Variants in TIAM1 observed in about 807,000 individuals in gnomAD.
TIAM1 encodes the protein TIAM Rac1 associated GEF 1, also known as rho guanine nucleotide exchange factor TIAM1.
Under a neutral mutation model 163.5 loss-of-function variants are expected in TIAM1, and 65 were observed. The ratio of observed to expected loss-of-function variants is 0.40; its 90% CI spans 0.33 to 0.49. The LOEUF (loss-of-function observed/expected upper bound fraction) is 0.49. TIAM1 is among the 20% of genes least tolerant of loss of function. The pLI, the probability that TIAM1 is intolerant of heterozygous loss-of-function variation, is 0.77. For missense variants in TIAM1, 1,789 were observed against 2,044.7 expected, an observed-to-expected ratio of 0.87 and a Z score of 2.41; for synonymous variants, 833 against 810.1, an observed-to-expected ratio of 1.03 and a Z score of -0.48.
chr21:31,272,616 A>G (rs1601784358), intron 3 of TIAM1, among the ~76,000 whole-genome samples: 1 of 152,344 alleles, frequency 6.6e-6, no homozygotes, highest in Middle Eastern at 3.4e-3. Context: ...TCCTGCATAC[A>G]ATTTCCTGTG....
intron 1 of TIAM1, among the ~76,000 whole-genome samples, chr21:31,540,900 C>T (rs2048304717): frequency 6.6e-6 from 1 of 152,070 alleles, no homozygotes; most frequent in Non-Finnish European, 1.5e-5. Flanking sequence ...TTAACAGCAA[C>T]AAAATAAAGT....
chr21:31,558,258 T>C (rs73345679), intron 1 of TIAM1, among the ~76,000 whole-genome samples: 4,247 of 152,088 alleles, frequency 0.028, 203 homozygotes, highest in African/African-American at 0.097. Context: ...CAGGGCACAG[T>C]CCCCGGGACC....
At chr21:31,197,207 C>T (rs1569008023) in intron 12 of TIAM1, among the ~76,000 whole-genome samples, 1 of 152,074 alleles carries the variant, frequency 6.6e-6, no homozygotes, top group Non-Finnish European at 1.5e-5. Context: ...ACTCAGGTAA[C>T]AAACCTGCAC....
intron 2 of TIAM1, among the ~76,000 whole-genome samples, chr21:31,450,313 T>C (rs536210839): frequency 6.6e-6 from 1 of 152,306 alleles, no homozygotes; most frequent in African/African-American, 2.4e-5. Context: ...TCCGAGATGT[T>C]TTCTTGGAAT....
intron 16 of TIAM1, among the ~76,000 whole-genome samples, chr21:31,159,187 GA>G (rs2146343776): frequency 6.6e-6 from 1 of 152,206 alleles, no homozygotes; most frequent in Non-Finnish European, 1.5e-5. Flanking sequence ...AAGGGTAGCA[GA>G]GCTTTTCCAC....
intron 2 of TIAM1, among the ~76,000 whole-genome samples, chr21:31,451,517 C>T (rs2044839143): frequency 6.6e-6 from 1 of 152,048 alleles, no homozygotes; most frequent in Non-Finnish European, 1.5e-5. Context: ...CTAAGTGGAC[C>T]AGAGTCTGTA....
At position 31,309,720 on chromosome 21, in the gene TIAM1, G is replaced by A. The variant is rs117954366; in HGVS notation, c.-189+29523C>T. ...AGTGAGAAACTCAGGACAAACTTAA[G>A]GGCATCTCTGAAGTCAGCATAGATC... On this transcript the variant is annotated intron_variant, in intron 2 of 27. Transcript: ENST00000541036. Among the ~76,000 whole-genome samples, 1,302 of 152,226 alleles carry A rather than the reference G, an allele frequency of 8.6e-3. 9 individuals carry two copies. The highest frequency in any genetic ancestry group is 0.014 in the Non-Finnish European group (965 of 68,006).
intron 23 of TIAM1, among the ~76,000 whole-genome samples, chr21:31,133,104 A>ATTT (rs2082481801): frequency 6.6e-6 from 1 of 152,150 alleles, no homozygotes; most frequent in African/African-American, 2.4e-5. Flanking sequence ...TCCTTCCTTC[A>ATTT]CAGCACCTCT....
chr21:31,438,390 C>T (rs1219011452), intron 2 of TIAM1, among the ~76,000 whole-genome samples: 1 of 151,758 alleles, frequency 6.6e-6, no homozygotes, highest in Non-Finnish European at 1.5e-5. Flanking sequence ...CAGGGTTTTG[C>T]CATGTTGGAC....
At chr21:31,546,661 T>C (rs2833443) in intron 1 of TIAM1, among the ~76,000 whole-genome samples, 67,388 of 151,946 alleles carry the variant, frequency 0.44, 16,133 homozygotes, top group African/African-American at 0.63. Flanking sequence ...TTAACACTGC[T>C]AGAGGTCAGA....
At position 31,190,892 on chromosome 21, in the gene TIAM1, G is replaced by A. The variant is rs2085525840; in HGVS notation, c.2576-3805C>T. On this transcript the variant is annotated intron_variant, in intron 13 of 27. Coordinates refer to ENST00000541036, the MANE Select transcript of TIAM1 (RefSeq NM_001353694.2). ...CAGCATATGATCTGTATTGTGAGGT[G>A]TTTCTGTGTTTGTGCCGGCAGCTTT... is the stretch of plus-strand genomic sequence containing the variant. 5.3e-5 allele frequency among the ~76,000 whole-genome samples: 8 copies of A among 152,306 alleles called. 1 individual carries two copies. The South Asian group carries it at 1.7e-3, about 32-fold the overall frequency.
chr21:31,210,303 C>A, intron 10 of TIAM1, 88 bp from the exon 11 acceptor site: 1 of 1,418,166 alleles, frequency 7.1e-7, no homozygotes, highest in Non-Finnish European at 9.7e-7. Context: ...ATCACCGATT[C>A]CCATGAAAAC....
rs1457685053 is a variant in TIAM1, at chr21:31,467,620, C to G, written c.-421-3585G>C. 6.1e-5 allele frequency among the ~76,000 whole-genome samples: 9 copies of G among 146,878 alleles called. No homozygotes were observed. In the East Asian group the frequency reaches 1.8e-3, roughly 29 times the overall value. ...CAGCTTGGGCAACAAAGTGAGGCTC[C>G]ATCTCAAAAAAAAAAAGAATAAATA... is the stretch of plus-strand genomic sequence containing the variant. On this transcript the variant is annotated intron_variant, in intron 1 of 28. Transcript: ENST00000286827.
chr21:31,369,390 A>C (rs114954546), intron 2 of TIAM1, among the ~76,000 whole-genome samples: 112 of 151,922 alleles, frequency 7.4e-4, no homozygotes, highest in African/African-American at 2.6e-3. Flanking sequence ...AGAAGGTGAA[A>C]TATTAGATGG....
intron 1 of TIAM1, among the ~76,000 whole-genome samples, chr21:31,465,633 C>G (rs545287776): frequency 2.4e-4 from 36 of 151,180 alleles, no homozygotes; most frequent in Middle Eastern, 6.9e-3. Flanking sequence ...TGCAGTGGTG[C>G]GATCTTGGCT....
chr21:31,145,167 AAGG>A (rs1480724817), intron 20 of TIAM1, among the ~76,000 whole-genome samples: 1 of 152,188 alleles, frequency 6.6e-6, no homozygotes, highest in East Asian at 1.9e-4. Flanking sequence ...GCAGCATGAC[AAGG>A]AGAATCCCAG....
chr21:31,472,067 T>C (rs780839287), intron 1 of TIAM1, among the ~76,000 whole-genome samples: 1 of 152,024 alleles, frequency 6.6e-6, no homozygotes, highest in Non-Finnish European at 1.5e-5. Context: ...AGAGCCTGGA[T>C]GGGGAGCCTC....
intron 13 of TIAM1, among the ~76,000 whole-genome samples, chr21:31,189,929 A>G (rs1179899925): frequency 6.6e-6 from 1 of 152,186 alleles, no homozygotes; most frequent in East Asian, 1.9e-4. Context: ...GCAATGTTCT[A>G]ACTCTCAGCA....
chr21:31,276,443 C>T (rs947587410), intron 3 of TIAM1, among the ~76,000 whole-genome samples: 2 of 151,950 alleles, frequency 1.3e-5, no homozygotes, highest in Non-Finnish European at 2.9e-5. Context: ...AAACATAATC[C>T]GATATAAAGA....
Sources: gnomAD v4.1 joint callset for allele counts (sites outside exome capture counted in the v4.1 genomes callset) on GRCh38, gnomAD v4.1.1 for gene constraint, MANE v1.5 for transcripts, NCBI Gene and HGNC (gene_info 2026-07-23, HGNC 2026-07-21) for gene names.